Variants in AGAP3 observed in about 807,000 individuals in gnomAD.
AGAP3 encodes the protein ArfGAP with GTPase domain, ankyrin repeat and PH domain 3, also known as arf-GAP with GTPase, ANK repeat and PH domain-containing protein 3.
AGAP3 carries 24 observed loss-of-function variants against 96.9 expected under a neutral mutation model. The observed-to-expected ratio is 0.25, with a 90% CI of 0.18 to 0.35. The LOEUF (loss-of-function observed/expected upper bound fraction) is 0.35, where lower values mean the gene tolerates loss of function less well. AGAP3 is among the 10% of genes least tolerant of loss of function. AGAP3 has a pLI of 1.00. For synonymous variants in AGAP3, 563 were observed against 536.1 expected (o/e 1.05, Z -0.69); for missense variants, 876 against 1,254.2 (o/e 0.70, Z 4.55).
Position 151,141,545 on chromosome 7 carries a change from C to G in AGAP3, c.1805-353C>G, listed in dbSNP as rs1036066498. 1 of 292,528 alleles carries G rather than the reference C, an allele frequency of 3.4e-6. No homozygotes were observed. 18.1% of individuals were successfully genotyped at this position (292,528 alleles called of 1,614,324 possible). On this transcript the variant is annotated intron_variant, in intron 13 of 17. Transcript: ENST00000397238. The surrounding 1 kb of genome is among the most constrained non-coding windows in gnomAD (Gnocchi z 4.2). Reference sequence around the variant, plus strand: ...CTCTCCCAGTGTTTGCCTCCTAGCACCCCGTCACATCCTTCTCCAGATACT... The same window carrying G: ...CTCTCCCAGTGTTTGCCTCCTAGCAGCCCGTCACATCCTTCTCCAGATACT...
At chr7:151,104,259 T>C (rs758912393) in intron 1 of AGAP3, among the ~76,000 whole-genome samples, 2 of 152,196 alleles carry the variant, frequency 1.3e-5, no homozygotes, top group African/African-American at 4.8e-5. Flanking sequence ...ATCTTCCCAC[T>C]CTTATCTTTA....
At chr7:151,099,063 G>A (rs1798728395) in intron 1 of AGAP3, among the ~76,000 whole-genome samples, 1 of 151,896 alleles carries the variant, frequency 6.6e-6, no homozygotes, top group Admixed American at 6.6e-5. Context: ...AAAATTCAGG[G>A]CTGGGCACGG....
chr7:151,122,655 C>T (rs1220177207), intron 8 of AGAP3: 24 of 1,596,050 alleles, frequency 1.5e-5, no homozygotes, highest in South Asian at 7.8e-5. Flanking sequence ...TCTGCCCTCA[C>T]CGGTGCTGAC....
intron 9 of AGAP3, among the ~76,000 whole-genome samples, chr7:151,126,127 C>T (rs1377372011): frequency 6.6e-6 from 1 of 151,674 alleles, no homozygotes; most frequent in Non-Finnish European, 1.5e-5. Flanking sequence ...GTCATTACAG[C>T]GGCTCCCTCG....
rs1327310089 is a variant in AGAP3 at position 151,086,584 on chromosome 7, C to T, written c.-158C>T. Reference sequence around the variant, plus strand: ...GGCGCCTCCTGGCCTCGGCCTCCGGCCCCCGGCCCCCGGCTCCATGCGCTA... The same window carrying T: ...GGCGCCTCCTGGCCTCGGCCTCCGGTCCCCGGCCCCCGGCTCCATGCGCTA... On this transcript the variant is annotated 5_prime_UTR_variant, in exon 1 of 18. Transcript: ENST00000397238. Among the ~76,000 whole-genome samples, 1 of 146,862 alleles carries T rather than the reference C, an allele frequency of 6.8e-6. No homozygotes were observed. The highest frequency in any genetic ancestry group is 2.4e-5 in the African/African-American group (1 of 40,886).
Position 151,133,418 on chromosome 7 carries a change from G to A in AGAP3, c.1327-982G>A, listed in dbSNP as rs546975269. ...CCAGCGGGGCTCCAGGCCAGGAAGC[G>A]GCAGGCTCCCACCCTCCCTCCCTGC... On this transcript the variant is annotated intron_variant, in intron 10 of 17. Coordinates refer to ENST00000397238, the MANE Select transcript of AGAP3 (RefSeq NM_031946.7). This position sits in a 1 kb window ranked among gnomAD's most constrained non-coding sequence, Gnocchi z 5.4. Among the ~76,000 whole-genome samples, 30 of 152,230 alleles carry A rather than the reference G, an allele frequency of 2.0e-4. No individual in the cohort carries two copies. The highest frequency in any genetic ancestry group is 6.2e-4 in the South Asian group (3 of 4,826).
intron 9 of AGAP3, among the ~76,000 whole-genome samples, chr7:151,126,366 AGAGCG>A (rs1253197109): frequency 8.2e-5 from 3 of 36,516 alleles, no homozygotes; most frequent in African/African-American, 1.2e-4. Context: ...GGAGCAGAGC[AGAGCG>A]GAGCGGGGCG....
intron 1 of AGAP3, 90 bp from the exon 2 acceptor site, chr7:151,116,703 G>A: frequency 6.8e-7 from 1 of 1,467,178 alleles, no homozygotes; most frequent in South Asian, 1.1e-5. Flanking sequence ...CCTGGGCTTG[G>A]GGAGGGCATC....
chr7:151,088,624 C>T (rs528687204), intron 1 of AGAP3, among the ~76,000 whole-genome samples: 1 of 152,344 alleles, frequency 6.6e-6, no homozygotes, highest in South Asian at 2.1e-4. Flanking sequence ...GGGCGACAAG[C>T]CTCGTGGGCC....
At position 151,118,191 on chromosome 7, in the gene AGAP3, G is replaced by A. The variant is rs542435338; in HGVS notation, c.707-19G>A. 70 of 1,593,114 alleles carry A rather than the reference G, an allele frequency of 4.4e-5. No homozygotes were observed. The highest frequency in any genetic ancestry group is 6.8e-5 in the Admixed American group (4 of 58,464). On this transcript the variant is annotated intron_variant, in intron 5 of 17. Coordinates refer to ENST00000397238, the MANE Select transcript of AGAP3 (RefSeq NM_031946.7). The surrounding 1 kb of genome is among the most constrained non-coding windows in gnomAD (Gnocchi z 6.1). ...CTTCTCCGAAAGCTGAATGACTCCC[G>A]CCCTCCCACCTCCAACAGATGCCAT...
At chr7:151,111,422 C>CTG (rs767613642) in intron 1 of AGAP3, among the ~76,000 whole-genome samples, 61 of 152,322 alleles carry the variant, frequency 4.0e-4, no homozygotes, top group Non-Finnish European at 3.8e-4. Flanking sequence ...GCCACGTGGG[C>CTG]TGCAGCGGGC....
Position 151,123,836 on chromosome 7 carries a change from G to A in AGAP3, c.1171G>A (p.Glu391Lys). 2 of 1,612,492 alleles carry A rather than the reference G, an allele frequency of 1.2e-6. No homozygotes were observed. Among genetic ancestry groups the A allele is most frequent in the Non-Finnish European group, 1.7e-6 (2 of 1,179,946 alleles). The change falls in exon 9 of 18, where the codon GAG becomes AAG. Residue 391 changes from glutamate (E) to lysine (K), a missense_variant. Transcript: ENST00000397238. Reference sequence around the variant, plus strand: ...CCTGGACCGGGAGAAGAAGGCTGCCGAGTGCAAGGTGGACAGCATCGGGAG... The same window carrying A: ...CCTGGACCGGGAGAAGAAGGCTGCCAAGTGCAAGGTGGACAGCATCGGGAG... ...ADLDREKKAA[E>K]CKVDSIGSGR...
intron 10 of AGAP3, among the ~76,000 whole-genome samples, chr7:151,131,641 G>A (rs967722585): frequency 2.6e-5 from 4 of 152,222 alleles, no homozygotes; most frequent in East Asian, 1.9e-4. Flanking sequence ...CGTGGAATCC[G>A]GGGCTGTGGG....
Position 151,133,734 on chromosome 7 carries a change from G to A in AGAP3, c.1327-666G>A, listed in dbSNP as rs1800486827. ...GTGAAGATTACGCGAGGCTATACGT[G>A]GAATGTATAAATACACTGCTGTAGG... On this transcript the variant is annotated intron_variant, in intron 10 of 17. Coordinates refer to ENST00000397238, the MANE Select transcript of AGAP3 (RefSeq NM_031946.7). This position sits in a 1 kb window ranked among gnomAD's most constrained non-coding sequence, Gnocchi z 5.4. Among the ~76,000 whole-genome samples the A allele has an allele frequency of 1.3e-5, 2 of 152,116 alleles. No homozygotes were observed. The highest frequency in any genetic ancestry group is 6.5e-5 in the Admixed American group (1 of 15,274).
chr7:151,126,489 G>A (rs1345573474), intron 9 of AGAP3, among the ~76,000 whole-genome samples: 1 of 149,478 alleles, frequency 6.7e-6, no homozygotes, highest in Non-Finnish European at 1.5e-5. Flanking sequence ...TGGGGTGAGG[G>A]GAGTCGGGAC....
intron 7 of AGAP3, chr7:151,119,237 C>T (rs1384442912): frequency 3.7e-5 from 6 of 163,078 alleles, no homozygotes; most frequent in Admixed American, 1.7e-4. Context: ...GGCAGTGGTC[C>T]AAGCACCTCT....
intron 11 of AGAP3, among the ~76,000 whole-genome samples, chr7:151,135,699 G>A (rs78606314): frequency 0.026 from 3,958 of 152,284 alleles, 111 homozygotes; most frequent in East Asian, 0.14. Flanking sequence ...GAGTGGCCAG[G>A]GGGAGGGGCC....
chr7:151,132,865 C>T (rs1437958404), intron 10 of AGAP3, among the ~76,000 whole-genome samples: 1 of 152,192 alleles, frequency 6.6e-6, no homozygotes, highest in African/African-American at 2.4e-5. Flanking sequence ...AGACTTCCTG[C>T]CCTTCCACTG....
chr7:151,092,415 T>C (rs1466115637), intron 1 of AGAP3, among the ~76,000 whole-genome samples: 3 of 152,228 alleles, frequency 2.0e-5, no homozygotes, highest in Admixed American at 1.3e-4. Flanking sequence ...TTTAATCTGA[T>C]GCTTTCCTCC....
Sources: gnomAD v4.1 joint callset for allele counts (sites outside exome capture counted in the v4.1 genomes callset) on GRCh38, gnomAD v4.1.1 for gene constraint, Gnocchi (gnomAD v3.1) non-coding constraint, MANE v1.5 for transcripts, NCBI Gene and HGNC (gene_info 2026-07-23, HGNC 2026-07-21) for gene names.